Variants in BAG6 observed in about 807,000 individuals in gnomAD.
BAG6 encodes the protein BAG cochaperone 6.
In BAG6, 22 loss-of-function variants were observed where a neutral mutation model predicts 121.0. The observed-to-expected ratio is 0.18, with a 90% CI of 0.13 to 0.26. The LOEUF is 0.26. Ranked by LOEUF, BAG6 falls within the 10% of genes least tolerant of loss-of-function variation. The pLI is 1.00. For synonymous variants in BAG6, 583 were observed against 584.6 expected (o/e 1.00, Z 0.04); for missense variants, 1,233 against 1,537.7 (o/e 0.80, Z 3.31).
At position 31,639,649 on chromosome 6, in the gene BAG6, G is replaced by C; in HGVS notation, c.3247-3C>G. The C allele has an allele frequency of 6.2e-7, 1 of 1,603,656 alleles. No homozygotes were observed. Among genetic ancestry groups the C allele is most frequent in the South Asian group, 1.1e-5 (1 of 90,276 alleles). The stretch of plus-strand genomic sequence containing the variant: ...TGGGGGCCCTCACCCTGCATCGTCT[G>C]GGGGACAGGGGGTTGGGAGGGAAAA... On this transcript the variant is annotated splice_region_variant and splice_polypyrimidine_tract_variant and intron_variant, in intron 24 of 25. Coordinates refer to ENST00000676615, the MANE Select transcript of BAG6 (RefSeq NM_001387994.1).
At position 31,643,872 on chromosome 6, in the gene BAG6, G is replaced by T. The variant is rs1561907950; in HGVS notation, c.1756+18C>A. 2 of 1,611,534 alleles carry T rather than the reference G, an allele frequency of 1.2e-6. No homozygotes were observed. The highest frequency in any genetic ancestry group is 1.7e-6 in the Non-Finnish European group (2 of 1,179,466). On this transcript the variant is annotated intron_variant, in intron 14 of 25. Transcript: ENST00000676615. ...GGAAAGGAGTTTAAACTCTGAGTGG[G>T]GAAGAATGAAAACTCACCCACAAGG...
In BAG6 at chr6:31,642,304, C is replaced by A; in HGVS notation, c.2143G>T (p.Ala715Ser). Residue 715 changes from alanine to serine, a missense_variant, in exon 16 of 26, where the codon GCA becomes TCA. Coordinates refer to ENST00000676615, the MANE Select transcript of BAG6 (RefSeq NM_001387994.1). Reference protein sequence around the residue: ...MPPPGSPSGGAGSPGGLGLES... With the variant: ...MPPPGSPSGGSGSPGGLGLES... ...AGACCCAGGCCTCCAGGACTCCCTGCGCCACCAGAAGGGGAGCCTGGTGGG... is the reference window on the plus strand; with the variant it reads ...AGACCCAGGCCTCCAGGACTCCCTGAGCCACCAGAAGGGGAGCCTGGTGGG... 8 of 1,578,702 alleles carry A rather than the reference C, an allele frequency of 5.1e-6. No homozygotes were observed. The highest frequency in any genetic ancestry group is 6.0e-6 in the Non-Finnish European group (7 of 1,163,138).
Position 31,644,781 on chromosome 6 carries a change from C to T in BAG6, c.1369+165G>A, listed in dbSNP as rs1182788969. On this transcript the variant is annotated intron_variant, in intron 10 of 25. Transcript: ENST00000676615. The surrounding 1 kb of genome is among the most constrained non-coding windows in gnomAD (Gnocchi z 4.9). Reference sequence around the variant, plus strand: ...ACACAAACACACCTCCAAAGACAAACCAACCCCCACACCCCCCACATCTGT... The same window carrying T: ...ACACAAACACACCTCCAAAGACAAATCAACCCCCACACCCCCCACATCTGT... Among the ~76,000 whole-genome samples the T allele has an allele frequency of 6.6e-6, 1 of 152,136 alleles. No individual in the cohort carries two copies. Among genetic ancestry groups the T allele is most frequent in the African/African-American group, 2.4e-5 (1 of 41,424 alleles).
At position 31,644,819 on chromosome 6, in the gene BAG6, C is replaced by A; in HGVS notation, c.1369+127G>T. ...CCCCCACATCTGTCTACTTAAGCTT[C>A]TGCTCTGGTCCCCAGGCTACCACCA... is the stretch of plus-strand genomic sequence containing the variant. On this transcript the variant is annotated intron_variant, in intron 10 of 25. Coordinates refer to ENST00000676615, the MANE Select transcript of BAG6 (RefSeq NM_001387994.1). The surrounding 1 kb of genome is among the most constrained non-coding windows in gnomAD (Gnocchi z 4.9). 1 of 1,454,016 alleles carries A rather than the reference C, an allele frequency of 6.9e-7. No individual in the cohort carries two copies. The allele number at this position is 1,454,016 out of a possible 1,614,324, so 90.1% of individuals were successfully genotyped here. A position where few individuals can be genotyped will look rare whatever the true frequency, so the allele number is the denominator to read the frequency against.
intron 6 of BAG6, 133 bp from the exon 7 acceptor site, chr6:31,647,959 A>C: frequency 8.3e-7 from 1 of 1,201,420 alleles, no homozygotes; most frequent in Non-Finnish European, 1.1e-6. Context: ...TTTATCTCCG[A>C]CTCGCTAGCA....
At chr6:31,646,940 A>AT (rs1790339590) in intron 7 of BAG6, among the ~76,000 whole-genome samples, 1 of 151,530 alleles carries the variant, frequency 6.6e-6, no homozygotes, top group African/African-American at 2.4e-5. Context: ...TGCCCAGCTA[A>AT]TTTTTTGTAT....
intron 8 of BAG6, 112 bp downstream of exon 8, chr6:31,646,282 G>A (rs72850156): frequency 0.011 from 16,309 of 1,463,482 alleles, 132 homozygotes; most frequent in Non-Finnish European, 0.013. Context: ...CACTGCACCT[G>A]GCCCTGTTGC....
chr6:31,647,928 C>A, intron 6 of BAG6, 102 bp from the exon 7 acceptor site: 2 of 1,386,526 alleles, frequency 1.4e-6, no homozygotes. Context: ...ACTAGACTCC[C>A]TGAAGGCATG....
chr6:31,647,927 C>T lies in BAG6; in HGVS notation c.553-101G>A, dbSNP rs1040994718. 9.4e-6 allele frequency: 13 copies of T among 1,388,116 alleles called. No individual in the cohort carries two copies. In the Admixed American group the frequency reaches 2.3e-4, roughly 24 times the overall value. The allele number at this position is 1,388,116 out of a possible 1,614,324, so 86.0% of individuals were successfully genotyped here. On this transcript the variant is annotated intron_variant, in intron 6 of 25. Transcript: ENST00000676615. ...CAGAGAAAGTATCCTAACTAGACTC[C>T]CTGAAGGCATGGCTCTGCAATTTTA...
chr6:31,640,188 G>A lies in BAG6; in HGVS notation c.3246+11C>T. The A allele has an allele frequency of 6.2e-7, 1 of 1,613,692 alleles. No individual in the cohort carries two copies. Among genetic ancestry groups the A allele is most frequent in the Non-Finnish European group, 8.5e-7 (1 of 1,179,796 alleles). On this transcript the variant is annotated intron_variant, in intron 24 of 25. Transcript: ENST00000676615. The surrounding 1 kb of genome is among the most constrained non-coding windows in gnomAD (Gnocchi z 4.2). ...GATAGAGAGAGAGGCTTAGGGAAGA[G>A]GAAAACCAACCTTGCGTCTCTTGGC...
rs145837600 is a variant in BAG6 at position 31,651,642 on chromosome 6, G to T, written c.108+14C>A. The T allele has an allele frequency of 7.0e-4, 1,127 of 1,608,552 alleles. 7 individuals carry two copies. The African/African-American group carries it at 8.9e-3, about 13-fold the overall frequency. On this transcript the variant is annotated intron_variant, in intron 2 of 25. Transcript: ENST00000676615. The stretch of plus-strand genomic sequence containing the variant: ...AAGCTAAAGGTGTCTTCCAGAACTA[G>T]TGAGGTGTCTCACCTGGGCCCCCAC...
intron 7 of BAG6, 79 bp from the exon 8 acceptor site, chr6:31,646,602 C>T (rs1411872524): frequency 2.6e-6 from 4 of 1,541,720 alleles, no homozygotes; most frequent in East Asian, 4.6e-5. Flanking sequence ...ACCACATGTG[C>T]CCTCTTTCTC....
rs868748680 is a variant in BAG6, at chr6:31,639,821, T to C, written c.3247-175A>G. 7 of 847,690 alleles carry C rather than the reference T, an allele frequency of 8.3e-6. No homozygotes were observed. The African/African-American group carries it at 8.6e-5, about 10-fold the overall frequency. 52.5% of individuals were successfully genotyped at this position (847,690 alleles called of 1,614,324 possible). A position where few individuals can be genotyped will look rare whatever the true frequency, so the allele number is the denominator to read the frequency against. ...AGCAGAAATGCCTTCCTAATTCTCT[T>C]TGGCACTAGCCAAAACTAAAGTGAA... On this transcript the variant is annotated intron_variant, in intron 24 of 25. Transcript: ENST00000676615.
rs895941007 is a variant in BAG6, at chr6:31,647,464, C to A, written c.788+127G>T. 7 of 1,392,388 alleles carry A rather than the reference C, an allele frequency of 5.0e-6. No homozygotes were observed. In the African/African-American group the frequency reaches 1.0e-4, roughly 21 times the overall value. The allele number at this position is 1,392,388 out of a possible 1,614,324, so 86.3% of individuals were successfully genotyped here. On this transcript the variant is annotated intron_variant, in intron 7 of 25. Coordinates refer to ENST00000676615, the MANE Select transcript of BAG6 (RefSeq NM_001387994.1). ...CTATACCGAGAGAGCCCCTCCTCGCCCCTCAATGCTAACCCTTCAACTAAG... is the reference window on the plus strand; with the variant it reads ...CTATACCGAGAGAGCCCCTCCTCGCACCTCAATGCTAACCCTTCAACTAAG...
At chr6:31,639,467 C>T (rs1352453902) in intron 25 of BAG6, 33 bp downstream of exon 25, 2 of 1,598,920 alleles carry the variant, frequency 1.3e-6, no homozygotes, top group South Asian at 1.1e-5. Context: ...ACCCCTCCCA[C>T]TAGACCATCC....
At chr6:31,651,134 G>A (rs1796216802) in intron 2 of BAG6, among the ~76,000 whole-genome samples, 2 of 152,300 alleles carry the variant, frequency 1.3e-5, no homozygotes, top group African/African-American at 4.8e-5. Context: ...TCCTTCCTCT[G>A]TATTTCCCTC....
Position 31,644,463 on chromosome 6 carries a change from C to T in BAG6, c.1448-49G>A, listed in dbSNP as rs760115845. ...CTTGAACCTGGACCCCTTCAACCCA[C>T]CCACTCAGCCCTTCCCTTTCTCTAC... On this transcript the variant is annotated intron_variant, in intron 11 of 25. Coordinates refer to ENST00000676615, the MANE Select transcript of BAG6 (RefSeq NM_001387994.1). This position sits in a 1 kb window ranked among gnomAD's most constrained non-coding sequence, Gnocchi z 4.9. The T allele has an allele frequency of 7.2e-5, 113 of 1,566,402 alleles. No individual in the cohort carries two copies. Among genetic ancestry groups the T allele is most frequent in the Non-Finnish European group, 9.5e-5 (110 of 1,155,020 alleles).
chr6:31,651,562 T>C, intron 2 of BAG6, 94 bp downstream of exon 2: 2 of 1,154,594 alleles, frequency 1.7e-6, no homozygotes, highest in Admixed American at 2.0e-5. Context: ...AAAAAGAAAA[T>C]CTGGTGACCA....
Position 31,649,514 on chromosome 6 carries a change from T to C in BAG6, c.222A>G (p.Glu74=), listed in dbSNP as rs372700132. 1.7e-5 allele frequency: 27 copies of C among 1,614,052 alleles called. No individual in the cohort carries two copies. In the Admixed American group the frequency reaches 2.0e-4, roughly 12 times the overall value. ...RVLQDDKKLQ[E]YNVGGKVIHL... ...CTGCCTCCCCAGCCCCCTTACTGTA[T>C]TCCTGAAGCTTCTTATCATCTTGCA... Residue 74 remains glutamate, a synonymous_variant, in exon 3 of 26, where the codon GAA becomes GAG. Coordinates refer to ENST00000676615, the MANE Select transcript of BAG6 (RefSeq NM_001387994.1).
Sources: allele counts gnomAD v4.1 joint callset (sites outside exome capture counted in the v4.1 genomes callset), GRCh38; gene constraint gnomAD v4.1.1; non-coding constraint Gnocchi (gnomAD v3.1); transcripts MANE v1.5; gene names NCBI Gene and HGNC (gene_info 2026-07-23, HGNC 2026-07-21).